Variants in KAT14 observed in about 807,000 individuals in gnomAD.
The protein encoded by KAT14 is cysteine-rich protein 2-binding protein.
A neutral mutation model predicts 78.4 loss-of-function variants in KAT14; 66 were observed. The observed-to-expected ratio is 0.84, with a 90% CI of 0.69 to 1.03. The LOEUF (loss-of-function observed/expected upper bound fraction) is 1.03. Among genes scored for constraint, KAT14 ranks in the 50% least tolerant of loss-of-function variants. The probability of loss-of-function intolerance (pLI) is 0.00; values close to 1 mark genes in which losing one functional copy is unlikely to be tolerated. For missense variants in KAT14, 870 were observed against 972.5 expected, an observed-to-expected ratio of 0.89 and a Z score of 1.40; for synonymous variants, 344 against 359.4, an observed-to-expected ratio of 0.96 and a Z score of 0.48.
chr20:18,177,425 C>T (rs1290438618), intron 7 of KAT14, among the ~76,000 whole-genome samples: 1 of 152,206 alleles, frequency 6.6e-6, no homozygotes, highest in Non-Finnish European at 1.5e-5. Context: ...TTCACAAGGT[C>T]CACCCAGCTT....
At chr20:18,150,489 C>T (rs928588911) in intron 3 of KAT14, among the ~76,000 whole-genome samples, 3 of 152,004 alleles carry the variant, frequency 2.0e-5, no homozygotes, top group Admixed American at 6.6e-5. Context: ...GTGTAGGGTG[C>T]GGGATCCTTG....
intron 5 of KAT14, among the ~76,000 whole-genome samples, chr20:18,160,562 G>A (rs888646048): frequency 6.6e-6 from 1 of 151,774 alleles, no homozygotes; most frequent in Non-Finnish European, 1.5e-5. Flanking sequence ...GGACATTTTG[G>A]TTGTTTCTAC....
chr20:18,149,216 A>T (rs958989616), intron 3 of KAT14, among the ~76,000 whole-genome samples: 1 of 152,224 alleles, frequency 6.6e-6, no homozygotes, highest in Admixed American at 6.5e-5. Flanking sequence ...TTGTGATGAA[A>T]TATGCATAAC....
At chr20:18,169,430 C>T (rs943826225) in intron 7 of KAT14, among the ~76,000 whole-genome samples, 1 of 152,134 alleles carries the variant, frequency 6.6e-6, no homozygotes, top group African/African-American at 2.4e-5. Context: ...GCATTACTTC[C>T]AACTTTTTCA....
chr20:18,138,575 C>G (rs2037393678), intron 1 of KAT14: 1 of 488,314 alleles, frequency 2.0e-6, no homozygotes, highest in African/African-American at 2.1e-5. Context: ...CCCCCTTCCC[C>G]GTACTCACTC....
At position 18,144,929 on chromosome 20, in the gene KAT14, G is replaced by A. The variant is rs547849413; in HGVS notation, c.260-304G>A. 2.6e-5 allele frequency among the ~76,000 whole-genome samples: 4 copies of A among 152,300 alleles called. No individual in the cohort carries two copies. In the East Asian group the frequency reaches 5.8e-4, roughly 22 times the overall value. On this transcript the variant is annotated intron_variant, in intron 2 of 10. Coordinates refer to ENST00000688188, the MANE Select transcript of KAT14 (RefSeq NM_001392073.1). ...GAGCTCATATTTTTTGAAAGAATGT[G>A]TGAAGAGACCTGCCTCTGGGAGTCA...
Position 18,172,261 on chromosome 20 carries a change from C to T in KAT14, c.1668+9316C>T, listed in dbSNP as rs564803075. Among the ~76,000 whole-genome samples, 138 of 152,078 alleles carry T rather than the reference C, an allele frequency of 9.1e-4. 1 individual carries two copies. The highest frequency in any genetic ancestry group is 3.2e-3 in the African/African-American group (134 of 41,500). On this transcript the variant is annotated intron_variant, in intron 7 of 10. Coordinates refer to ENST00000688188, the MANE Select transcript of KAT14 (RefSeq NM_001392073.1). The stretch of plus-strand genomic sequence containing the variant: ...GGACTAAAGGTGCGTGCCACCACGC[C>T]CAGCTAATTTTTGTATTTTTAGTAG...
At chr20:18,172,347 G>A (rs1043115441) in intron 7 of KAT14, among the ~76,000 whole-genome samples, 13 of 150,744 alleles carry the variant, frequency 8.6e-5, no homozygotes, top group Admixed American at 5.3e-4. Flanking sequence ...TGATCCGCCC[G>A]CCTCGGCCTC....
intron 7 of KAT14, among the ~76,000 whole-genome samples, chr20:18,174,330 C>T (rs1276723753): frequency 6.6e-6 from 1 of 152,064 alleles, no homozygotes; most frequent in Non-Finnish European, 1.5e-5. Context: ...GAGTGTAGAT[C>T]TAGGAGTGGA....
rs149391936 is a variant in KAT14, at chr20:18,162,639, G to A, written c.1362G>A (p.Pro454=). The part of the protein sequence containing the change: ...RKPQLEKDTK[P]KEPRYTPVSI... ...CTCAGCTGGAGAAGGACACAAAGCC[G>A]AAAGAGCCCAGGTATACTCCCGTGA... Residue 454 remains proline (P), a synonymous_variant, in exon 7 of 11, where the codon CCG becomes CCA. Coordinates refer to ENST00000688188, the MANE Select transcript of KAT14 (RefSeq NM_001392073.1). 6.3e-5 allele frequency: 101 copies of A among 1,614,066 alleles called. No individual in the cohort carries two copies. Among genetic ancestry groups the A allele is most frequent in the African/African-American group, 2.5e-4 (19 of 74,926 alleles).
At chr20:18,150,337 A>G (rs1354820274) in intron 3 of KAT14, among the ~76,000 whole-genome samples, 1 of 152,198 alleles carries the variant, frequency 6.6e-6, no homozygotes, top group Non-Finnish European at 1.5e-5. Context: ...TTTGCCATCT[A>G]AGAGCTTAGA....
At chr20:18,141,190 C>T (rs1266280354) in intron 1 of KAT14, among the ~76,000 whole-genome samples, 3 of 151,704 alleles carry the variant, frequency 2.0e-5, no homozygotes, top group African/African-American at 7.3e-5. Flanking sequence ...TGGCCTAAAA[C>T]CTTTAGAGTA....
chr20:18,151,767 G>T (rs1483865085), intron 4 of KAT14, among the ~76,000 whole-genome samples: 7 of 151,810 alleles, frequency 4.6e-5, no homozygotes, highest in Admixed American at 4.6e-4. Context: ...ACTTTGGGAG[G>T]CCGAGGTGGG....
At chr20:18,139,177 G>A (rs539732908) in intron 1 of KAT14, among the ~76,000 whole-genome samples, 2 of 152,196 alleles carry the variant, frequency 1.3e-5, no homozygotes, top group Non-Finnish European at 2.9e-5. Flanking sequence ...GAGGGGTTGA[G>A]ATGACTTAAC....
rs142413172 is a variant in KAT14, at chr20:18,161,971, C to T, written c.831C>T (p.Ala277=). ...AKDIRRAQKE[A]AGFLDRSTSS... is the part of the protein sequence containing the mutation. ...ACATTAGAAGAGCCCAGAAGGAGGC[C>T]GCTGGCTTTCTTGACAGGAGCACAT... The change falls in exon 6 of 11, where the codon GCC becomes GCT. Residue 277 remains alanine (A), a synonymous_variant. Coordinates refer to ENST00000688188, the MANE Select transcript of KAT14 (RefSeq NM_001392073.1). 26 of 1,614,224 alleles carry T rather than the reference C, an allele frequency of 1.6e-5. No homozygotes were observed. Among genetic ancestry groups the T allele is most frequent in the Admixed American group, 6.7e-5 (4 of 60,028 alleles).
intron 3 of KAT14, among the ~76,000 whole-genome samples, chr20:18,147,456 A>G (rs1031280230): frequency 6.6e-6 from 1 of 152,210 alleles, no homozygotes; most frequent in Non-Finnish European, 1.5e-5. Flanking sequence ...AAGAGCAAAT[A>G]TATGTAAATT....
intron 7 of KAT14, among the ~76,000 whole-genome samples, chr20:18,178,716 A>G (rs1227334786): frequency 6.6e-6 from 1 of 151,948 alleles, no homozygotes; most frequent in African/African-American, 2.4e-5. Context: ...TCAAGATGAG[A>G]TTTGAGTGGA....
At chr20:18,138,546 T>A (rs1278281420) in intron 1 of KAT14, 1 of 801,892 alleles carries the variant, frequency 1.2e-6, no homozygotes, top group East Asian at 1.2e-4. Context: ...CTATTGATTT[T>A]ATCCCATGGT....
rs1303044906 is a variant in KAT14 at position 18,143,457 on chromosome 20, A to ATTTTC, written c.259+547_259+551dup. ...ACTCCCTGATTGCCTCAATCTTGAGATTTTCTTTTCTTTCTTTTTTTTTTT... is the reference window on the plus strand; with the variant it reads ...ACTCCCTGATTGCCTCAATCTTGAGATTTTCTTTTCTTTTCTTTCTTTTTTTTTTT... On this transcript the variant is annotated intron_variant, in intron 2 of 10. Coordinates refer to ENST00000688188, the MANE Select transcript of KAT14 (RefSeq NM_001392073.1). Among the ~76,000 whole-genome samples the ATTTTC allele has an allele frequency of 4.1e-5, 6 of 145,880 alleles. No homozygotes were observed. In the East Asian group the frequency reaches 8.0e-4, roughly 20 times the overall value.
Sources: allele counts gnomAD v4.1 joint callset (sites outside exome capture counted in the v4.1 genomes callset), GRCh38; gene constraint gnomAD v4.1.1; transcripts MANE v1.5; gene names NCBI Gene and HGNC (gene_info 2026-07-23, HGNC 2026-07-21).